Variants in RELN observed in about 807,000 individuals in gnomAD.
The protein encoded by RELN is reelin.
RELN carries 108 observed loss-of-function variants against 427.6 expected under a neutral mutation model. The ratio of observed to expected loss-of-function variants is 0.25; its 90% CI spans 0.22 to 0.30. The LOEUF (loss-of-function observed/expected upper bound fraction) is 0.30, where lower values mean the gene tolerates loss of function less well. Among genes scored for constraint, RELN ranks in the 10% least tolerant of loss-of-function variants. The probability of loss-of-function intolerance (pLI) is 1.00; values close to 1 mark genes in which losing one functional copy is unlikely to be tolerated. For synonymous variants in RELN, 1,524 were observed against 1,513.4 expected (o/e 1.01, Z -0.16); for missense variants, 3,715 against 4,302.8 (o/e 0.86, Z 3.82).
chr7:103,554,044 A>T (rs1830472022), intron 38 of RELN, among the ~76,000 whole-genome samples: 1 of 152,126 alleles, frequency 6.6e-6, no homozygotes. Context: ...AAAATTAGCC[A>T]GGTGTGTTTG....
At position 103,563,931 on chromosome 7, in the gene RELN, T is replaced by C. The variant is rs1830691284; in HGVS notation, c.5210+1347A>G. On this transcript the variant is annotated intron_variant, in intron 34 of 64. Transcript: ENST00000428762. This position sits in a 1 kb window ranked among gnomAD's most constrained non-coding sequence, Gnocchi z 4.1. ...TATATCATACAGCATAGGTGTGTAA[T>C]AGGCTAAACCATGAAGGTTTATGTA... Among the ~76,000 whole-genome samples, 2 of 152,218 alleles carry C rather than the reference T, an allele frequency of 1.3e-5. No homozygotes were observed. The highest frequency in any genetic ancestry group is 2.4e-5 in the African/African-American group (1 of 41,462).
intron 2 of RELN, among the ~76,000 whole-genome samples, chr7:103,889,043 G>C (rs1439195455): frequency 6.6e-6 from 1 of 152,164 alleles, no homozygotes; most frequent in African/African-American, 2.4e-5. Flanking sequence ...TCTGACCCTT[G>C]TCAACCAGCT....
intron 46 of RELN, among the ~76,000 whole-genome samples, chr7:103,533,722 C>A (rs748579210): frequency 1.3e-5 from 2 of 151,408 alleles, no homozygotes; most frequent in South Asian, 2.1e-4. Context: ...GTACAAGAGA[C>A]AATTAAAAGA....
chr7:103,521,102 G>C (rs1371967101), intron 48 of RELN, among the ~76,000 whole-genome samples: 2 of 148,602 alleles, frequency 1.3e-5, no homozygotes, highest in Non-Finnish European at 3.0e-5. Context: ...TCAGCCTCCC[G>C]AGTAGCTGGG....
chr7:103,836,065 T>A (rs111817880), intron 2 of RELN, among the ~76,000 whole-genome samples: 1 of 151,710 alleles, frequency 6.6e-6, no homozygotes. Flanking sequence ...TGGGTTCAAG[T>A]GTTTCTCCTG....
At chr7:103,924,920 CTTT>C (rs1396027144) in intron 1 of RELN, among the ~76,000 whole-genome samples, 1 of 151,762 alleles carries the variant, frequency 6.6e-6, no homozygotes, top group Non-Finnish European at 1.5e-5. Context: ...CTTTCCTCTT[CTTT>C]ATGTTCCAAA....
intron 2 of RELN, among the ~76,000 whole-genome samples, chr7:103,907,311 G>A (rs1388724084): frequency 1.7e-5 from 2 of 116,792 alleles, no homozygotes; most frequent in Non-Finnish European, 4.0e-5. Context: ...AGCTTCTCGG[G>A]AGGCTGAGGC....
intron 6 of RELN, among the ~76,000 whole-genome samples, chr7:103,734,951 T>A (rs900894847): frequency 2.6e-5 from 4 of 152,160 alleles, no homozygotes; most frequent in Admixed American, 1.3e-4. Flanking sequence ...ATAAAAAACA[T>A]TAACAGTGAA....
intron 23 of RELN, 71 bp downstream of exon 23, chr7:103,604,275 A>T: frequency 6.3e-7 from 1 of 1,579,566 alleles, no homozygotes; most frequent in Non-Finnish European, 8.7e-7. Flanking sequence ...CTCTGATGAC[A>T]ACTGCTGTGG....
chr7:103,850,211 T>A (rs60861793), intron 2 of RELN, among the ~76,000 whole-genome samples: 1 of 152,112 alleles, frequency 6.6e-6, no homozygotes, highest in African/African-American at 2.4e-5. Flanking sequence ...GACCCACAGA[T>A]GCTCTGAAGG....
At chr7:103,531,765 A>C (rs1287535330) in intron 46 of RELN, among the ~76,000 whole-genome samples, 2 of 151,196 alleles carry the variant, frequency 1.3e-5, no homozygotes, top group Non-Finnish European at 2.9e-5. Context: ...CTATTACAAA[A>C]GTAAAAAAAA....
chr7:103,651,570 T>C (rs1280664717), intron 15 of RELN, 91 bp downstream of exon 15: 31 of 1,307,756 alleles, frequency 2.4e-5, no homozygotes, highest in Non-Finnish European at 3.2e-5. Context: ...TTACCTATTA[T>C]GACAAAAATG....
At position 103,670,392 on chromosome 7, in the gene RELN, T is replaced by G. The variant is rs190587673; in HGVS notation, c.1290-8865A>C. Among the ~76,000 whole-genome samples, 271 of 152,286 alleles carry G rather than the reference T, an allele frequency of 1.8e-3. 1 individual carries two copies. The highest frequency in any genetic ancestry group is 5.9e-3 in the African/African-American group (244 of 41,578). Reference sequence around the variant, plus strand: ...CGTTTACTACAATATTCTTTGTCTGTCAACATGGGGTTCAGTTAGATTAAC... The same window carrying G: ...CGTTTACTACAATATTCTTTGTCTGGCAACATGGGGTTCAGTTAGATTAAC... On this transcript the variant is annotated intron_variant, in intron 11 of 64. Transcript: ENST00000428762.
intron 10 of RELN, among the ~76,000 whole-genome samples, chr7:103,683,596 T>C (rs536029045): frequency 6.6e-6 from 1 of 152,272 alleles, no homozygotes; most frequent in African/African-American, 2.4e-5. Flanking sequence ...ACATTACTCA[T>C]GTGTTTTTGG....
chr7:103,712,327 T>C (rs113514635), intron 8 of RELN, among the ~76,000 whole-genome samples: 112 of 152,314 alleles, frequency 7.4e-4, no homozygotes, highest in Non-Finnish European at 1.3e-3. Flanking sequence ...TCTTGAGTAG[T>C]TGGCATAACA....
intron 3 of RELN, among the ~76,000 whole-genome samples, chr7:103,797,932 T>C (rs1194295500): frequency 6.6e-6 from 1 of 152,220 alleles, no homozygotes; most frequent in African/African-American, 2.4e-5. Flanking sequence ...TCATTTTCAT[T>C]TGAGAGAAAA....
chr7:103,863,491 T>C (rs538690236), intron 2 of RELN, among the ~76,000 whole-genome samples: 1 of 152,328 alleles, frequency 6.6e-6, no homozygotes, highest in East Asian at 1.9e-4. Context: ...AAAAATCCTG[T>C]ATCCCTGCAA....
At chr7:103,984,783 C>G (rs181719382) in intron 1 of RELN, among the ~76,000 whole-genome samples, 4 of 152,274 alleles carry the variant, frequency 2.6e-5, no homozygotes, top group African/African-American at 7.2e-5. Flanking sequence ...ATTCCAGAAT[C>G]AGACATATGA....
chr7:103,726,129 T>A (rs1265331660), intron 7 of RELN, among the ~76,000 whole-genome samples: 1 of 152,236 alleles, frequency 6.6e-6, no homozygotes, highest in Non-Finnish European at 1.5e-5. Flanking sequence ...AATGTTTGGA[T>A]TTTAGTAAAT....
Sources: gnomAD v4.1 joint callset for allele counts (sites outside exome capture counted in the v4.1 genomes callset) on GRCh38, gnomAD v4.1.1 for gene constraint, Gnocchi (gnomAD v3.1) non-coding constraint, MANE v1.5 for transcripts, NCBI Gene and HGNC (gene_info 2026-07-23, HGNC 2026-07-21) for gene names.